PGC: variants seen among roughly 807,000 people sequenced by gnomAD.
PGC encodes progastricsin, also known as gastricsin.
A neutral mutation model predicts 45.9 loss-of-function variants in PGC; 31 were observed. The ratio of observed to expected loss-of-function variants is 0.67; its 90% confidence interval spans 0.51 to 0.91. PGC has a LOEUF of 0.91. Ranked by LOEUF, PGC falls within the 40% of genes least tolerant of loss-of-function variation. The pLI, the probability that PGC is intolerant of heterozygous loss-of-function variation, is 0.00. For synonymous variants in PGC, 192 were observed against 201.8 expected (o/e 0.95, Z 0.41); for missense variants, 477 against 493.2 (o/e 0.97, Z 0.31).
At chr6:41,746,489 C>T (rs1161941824) in intron 1 of PGC, among the ~76,000 whole-genome samples, 3 of 152,200 alleles carry the variant, frequency 2.0e-5, no homozygotes, top group Admixed American at 2.0e-4. Context: ...TCGGCACTCT[C>T]CTTCCCAGAC....
intron 7 of PGC, among the ~76,000 whole-genome samples, chr6:41,739,422 CTT>C (rs756484387): frequency 8.4e-5 from 12 of 143,106 alleles, no homozygotes; most frequent in Admixed American, 7.0e-5. Context: ...AAGAGTTAGG[CTT>C]TTTTTTTTTT....
Position 41,744,931 on chromosome 6 carries a change from TTGTCTGTG to T in PGC, c.60-131_60-124del. The T allele has an allele frequency of 1.2e-6, 1 of 837,248 alleles. No individual in the cohort carries two copies. The highest frequency in any genetic ancestry group is 2.7e-5 in the East Asian group (1 of 37,638). 51.9% of individuals were successfully genotyped at this position (837,248 alleles called of 1,614,324 possible). A position where few individuals can be genotyped will look rare whatever the true frequency, so the allele number is the denominator to read the frequency against. ...TCCCTGCCACTCTGTTTGTTCCCCCTTGTCTGTGTGTGTCTTTTTCTCTCTCTCAGCCT... is the reference window on the plus strand; with the variant it reads ...TCCCTGCCACTCTGTTTGTTCCCCCTTGTGTCTTTTTCTCTCTCTCAGCCT... On this transcript the variant is annotated intron_variant, in intron 1 of 8. Coordinates refer to ENST00000373025, the MANE Select transcript of PGC (RefSeq NM_002630.4). This position sits in a 1 kb window ranked among gnomAD's most constrained non-coding sequence, Gnocchi z 4.4.
intron 5 of PGC, chr6:41,740,842 G>A (rs1173883476): frequency 4.2e-6 from 6 of 1,428,420 alleles, no homozygotes; most frequent in Non-Finnish European, 5.5e-6. Context: ...CCTCCCTGAG[G>A]ACGAGTCTGT....
At position 41,744,864 on chromosome 6, in the gene PGC, C is replaced by G; in HGVS notation, c.60-56G>C. The G allele has an allele frequency of 2.1e-6, 3 of 1,426,326 alleles. No individual in the cohort carries two copies. Among genetic ancestry groups the G allele is most frequent in the Non-Finnish European group, 2.9e-6 (3 of 1,035,526 alleles). The allele number at this position is 1,426,326 out of a possible 1,614,324, so 88.4% of individuals were successfully genotyped here. Reference sequence around the variant, plus strand: ...CTCCCTCCTTCCTCTCTTCCCACTCCTCTCTTTCTCTCTCTCCTTCTCTTA... The same window carrying G: ...CTCCCTCCTTCCTCTCTTCCCACTCGTCTCTTTCTCTCTCTCCTTCTCTTA... On this transcript the variant is annotated intron_variant, in intron 1 of 8. Coordinates refer to ENST00000373025, the MANE Select transcript of PGC (RefSeq NM_002630.4). This position sits in a 1 kb window ranked among gnomAD's most constrained non-coding sequence, Gnocchi z 4.4.
chr6:41,737,854 A>G lies in PGC; in HGVS notation c.916-26T>C, dbSNP rs754260329. 4.3e-6 allele frequency: 6 copies of G among 1,386,470 alleles called. No homozygotes were observed. In the African/African-American group the frequency reaches 8.5e-5, roughly 20 times the overall value. The allele number at this position is 1,386,470 out of a possible 1,614,324, so 85.9% of individuals were successfully genotyped here. A position where few individuals can be genotyped will look rare whatever the true frequency, so the allele number is the denominator to read the frequency against. On this transcript the variant is annotated intron_variant, in intron 7 of 8. Transcript: ENST00000373025. ...CTGCAAGAGGAATAGGTCCCTGGTT[A>G]ACTCATCCTCCCCCTGATAGCACCC...
rs1002311178 is a variant in PGC at position 41,742,184 on chromosome 6, C to T, written c.647+106G>A. 42 of 1,024,844 alleles carry T rather than the reference C, an allele frequency of 4.1e-5. No individual in the cohort carries two copies. The Admixed American group carries it at 5.7e-4, about 14-fold the overall frequency. The allele number at this position is 1,024,844 out of a possible 1,614,324, so 63.5% of individuals were successfully genotyped here. A position where few individuals can be genotyped will look rare whatever the true frequency, so the allele number is the denominator to read the frequency against. ...GCAAGACTGACTGGAGCCAGATGCC[C>T]GCTGGGATGCCTCCAAACCCCAAAG... On this transcript the variant is annotated intron_variant, in intron 5 of 8. Transcript: ENST00000373025.
In PGC at chr6:41,744,359, C is replaced by T; in HGVS notation, c.328+38G>A. 1 of 1,469,770 alleles carries T rather than the reference C, an allele frequency of 6.8e-7. No individual in the cohort carries two copies. The highest frequency in any genetic ancestry group is 9.4e-7 in the Non-Finnish European group (1 of 1,060,188). 91.0% of individuals were successfully genotyped at this position (1,469,770 alleles called of 1,614,324 possible). A position where few individuals can be genotyped will look rare whatever the true frequency, so the allele number is the denominator to read the frequency against. Reference sequence around the variant, plus strand: ...TCCCCAGAGGGTATCAGTGCCTTGCCCTGCCAACCACCCCTCTCTGCCCAG... The same window carrying T: ...TCCCCAGAGGGTATCAGTGCCTTGCTCTGCCAACCACCCCTCTCTGCCCAG... On this transcript the variant is annotated intron_variant, in intron 3 of 8. Transcript: ENST00000373025. This position sits in a 1 kb window ranked among gnomAD's most constrained non-coding sequence, Gnocchi z 4.4.
Position 41,742,327 on chromosome 6 carries a change from C to T in PGC, c.610G>A (p.Ala204Thr), listed in dbSNP as rs143935750. ...TAMQGMVQEG[A>T]LTSPVFSVYL... ...ACGCTGAAGACGGGGCTGGTGAGGGCGCCCTCCTGCACCATGCCCTGCATA... is the reference window on the plus strand; with the variant it reads ...ACGCTGAAGACGGGGCTGGTGAGGGTGCCCTCCTGCACCATGCCCTGCATA... The change falls in exon 5 of 9, where the codon GCC (alanine) becomes ACC (threonine). Residue 204 changes from alanine to threonine, a missense_variant. Ala to Thr is a moderately conservative substitution (Grantham distance 58). Transcript: ENST00000373025. 32 of 1,613,928 alleles carry T rather than the reference C, an allele frequency of 2.0e-5. No individual in the cohort carries two copies. In the African/African-American group the frequency reaches 2.4e-4, roughly 12 times the overall value.
chr6:41,742,231 C>T (rs919223471), intron 5 of PGC, 59 bp downstream of exon 5: 15 of 1,486,712 alleles, frequency 1.0e-5, no homozygotes, highest in African/African-American at 2.8e-5. Context: ...GAGCCTCAGT[C>T]GTCCAGGGCG....
chr6:41,742,373 G>A lies in PGC; in HGVS notation c.564C>T (p.Ser188=), dbSNP rs61731757. ...GIMGLAYPAL[S]VDEATTAMQG... ...GCATAGCTGTGGTGGCCTCATCCAC[G>A]GACAGAGCAGGGTAGGCCAGGCCCA... Residue 188 remains serine (S), a synonymous_variant, in exon 5 of 9, where the codon TCC becomes TCT. Transcript: ENST00000373025. 13,797 of 1,614,108 alleles carry A rather than the reference G, an allele frequency of 8.5e-3. 100 individuals carry two copies. Among genetic ancestry groups the A allele is most frequent in the Non-Finnish European group, 9.2e-3 (10,859 of 1,179,982 alleles).
chr6:41,740,013 C>T (rs1771792516), intron 6 of PGC, 67 bp from the exon 7 acceptor site: 1 of 1,450,994 alleles, frequency 6.9e-7, no homozygotes, highest in African/African-American at 1.4e-5. Context: ...CGGGCTTTCC[C>T]CACCACTGTG....
chr6:41,745,023 G>A (rs565546182), intron 1 of PGC, among the ~76,000 whole-genome samples: 15 of 151,598 alleles, frequency 9.9e-5, no homozygotes, highest in Admixed American at 2.0e-4. Flanking sequence ...GTGCGCGCGC[G>A]CGTGTTTCTT....
Position 41,743,297 on chromosome 6 carries a change from C to A in PGC, c.421G>T (p.Gly141Cys), listed in dbSNP as rs139462070. ...SLQYGSGSLT[G>C]FFGYDTLTVQ... is the part of the protein sequence containing the mutation. ...GTCAGGGTGTCATAGCCAAAGAAGC[C>A]GGTGAGGCTGCCACTGCCATACTGC... Residue 141 changes from glycine (G) to cysteine (C), a missense_variant, in exon 4 of 9, where the codon GGC (glycine) becomes TGC (cysteine). Coordinates refer to ENST00000373025, the MANE Select transcript of PGC (RefSeq NM_002630.4). 6.2e-7 allele frequency: 1 copy of A among 1,612,900 alleles called. No homozygotes were observed. Among genetic ancestry groups the A allele is most frequent in the Non-Finnish European group, 8.5e-7 (1 of 1,178,888 alleles).
At position 41,739,914 on chromosome 6, in the gene PGC, C is replaced by T. The variant is rs1282830585; in HGVS notation, c.800G>A (p.Cys267Tyr). The T allele has an allele frequency of 1.2e-6, 2 of 1,614,040 alleles. No individual in the cohort carries two copies. The highest frequency in any genetic ancestry group is 1.7e-5 in the Admixed American group (1 of 60,002). Residue 267 changes from cysteine to tyrosine, a missense_variant, in exon 7 of 9, where the codon TGT (cysteine) becomes TAT (tyrosine). Physicochemically the swap from Cys to Tyr is radical, Grantham distance 194 (BLOSUM62 -2). Transcript: ENST00000373025. ...FLIGGQASGW[C>Y]SEGCQAIVDT... ...CACGATGGCCTGGCAACCCTCAGAACACCAGCCGGAGGCCTGGCCGCCGAT... is the reference window on the plus strand; with the variant it reads ...CACGATGGCCTGGCAACCCTCAGAATACCAGCCGGAGGCCTGGCCGCCGAT...
chr6:41,741,692 TGAA>T (rs920205267), intron 5 of PGC: 16 of 757,364 alleles, frequency 2.1e-5, no homozygotes, highest in Non-Finnish European at 3.5e-5. Flanking sequence ...TGGTTAATTC[TGAA>T]GAAGAACAAA....
chr6:41,741,789 T>C, intron 5 of PGC: 2 of 1,535,232 alleles, frequency 1.3e-6, no homozygotes, highest in Non-Finnish European at 8.7e-7. Context: ...CTGGCAAGGA[T>C]AACAACCTGC....
In PGC at chr6:41,744,636, G is replaced by T. The variant is rs776395448; in HGVS notation, c.210+22C>A. On this transcript the variant is annotated intron_variant, in intron 2 of 8. Coordinates refer to ENST00000373025, the MANE Select transcript of PGC (RefSeq NM_002630.4). The surrounding 1 kb of genome is among the most constrained non-coding windows in gnomAD (Gnocchi z 4.4). Reference sequence around the variant, plus strand: ...AGCCCACACCAGAGAGAAGGCTACCGCCAGAAAGGGTCAGGACTCACATCC... The same window carrying T: ...AGCCCACACCAGAGAGAAGGCTACCTCCAGAAAGGGTCAGGACTCACATCC... The T allele has an allele frequency of 6.2e-7, 1 of 1,612,956 alleles. No individual in the cohort carries two copies.
chr6:41,744,575 T>C lies in PGC; in HGVS notation c.211-61A>G. ...GATCCAGGGGCCCCAGGCTCCTCCATGGGCAGAGGAGTGAAGGGACCTGCC... is the reference window on the plus strand; with the variant it reads ...GATCCAGGGGCCCCAGGCTCCTCCACGGGCAGAGGAGTGAAGGGACCTGCC... On this transcript the variant is annotated intron_variant, in intron 2 of 8. Transcript: ENST00000373025. The surrounding 1 kb of genome is among the most constrained non-coding windows in gnomAD (Gnocchi z 4.4). The C allele has an allele frequency of 1.3e-6, 2 of 1,579,072 alleles. No individual in the cohort carries two copies. Among genetic ancestry groups the C allele is most frequent in the African/African-American group, 1.4e-5 (1 of 73,942 alleles).
At chr6:41,739,981 C>T (rs924093284) in intron 6 of PGC, 35 bp from the exon 7 acceptor site, 6 of 1,603,972 alleles carry the variant, frequency 3.7e-6, no homozygotes, top group Non-Finnish European at 5.1e-6. Context: ...CTCAGGACTC[C>T]CCCAGTTCAG....
Sources: gnomAD v4.1 joint callset for allele counts (sites outside exome capture counted in the v4.1 genomes callset) on GRCh38, gnomAD v4.1.1 for gene constraint, Gnocchi (gnomAD v3.1) non-coding constraint, MANE v1.5 for transcripts, NCBI Gene and HGNC (gene_info 2026-07-23, HGNC 2026-07-21) for gene names.